The following ABCA12 variants were observed in gnomAD, a reference collection of about 807,000 sequenced individuals.
ABCA12 encodes the protein ATP binding cassette subfamily A member 12.
A neutral mutation model predicts 293.5 loss-of-function variants in ABCA12; 156 were observed. The observed-to-expected ratio is 0.53, with a 90% confidence interval of 0.47 to 0.61. The LOEUF (loss-of-function observed/expected upper bound fraction) is 0.61, where lower values mean the gene tolerates loss of function less well. ABCA12 is among the 20% of genes least tolerant of loss of function. The pLI, the probability that ABCA12 is intolerant of heterozygous loss-of-function variation, is 0.00. For synonymous variants in ABCA12, 1,063 were observed against 1,108.0 expected (o/e 0.96, Z 0.81); for missense variants, 2,797 against 3,090.2 (o/e 0.91, Z 2.25).
At position 214,986,734 on chromosome 2, in the gene ABCA12, G is replaced by A; in HGVS notation, c.3977-6C>T. On this transcript the variant is annotated splice_region_variant and splice_polypyrimidine_tract_variant and intron_variant, in intron 27 of 52. Transcript: ENST00000272895. ...GGAAAACATGTATTCAGGACCTGGA[G>A]AGAAATCAAGGGAAGAGTTGTAAAC... The A allele has an allele frequency of 6.2e-7, 1 of 1,613,836 alleles. No homozygotes were observed.
intron 2 of ABCA12, among the ~76,000 whole-genome samples, chr2:215,069,832 C>A (rs1346661137): frequency 1.3e-5 from 2 of 152,076 alleles, no homozygotes; most frequent in African/African-American, 4.8e-5. Flanking sequence ...GAGACTCTAA[C>A]CTAGTAAAAT....
intron 2 of ABCA12, among the ~76,000 whole-genome samples, chr2:215,102,231 C>A (rs1349444677): frequency 6.6e-6 from 1 of 152,132 alleles, no homozygotes; most frequent in African/African-American, 2.4e-5. Context: ...TATCTATAGT[C>A]AGAAAAATCT....
intron 2 of ABCA12, among the ~76,000 whole-genome samples, chr2:215,080,498 G>C (rs1367434453): frequency 3.3e-5 from 5 of 149,312 alleles, no homozygotes; most frequent in African/African-American, 1.2e-4. Context: ...GCAAGACTTG[G>C]TCTCAAAAAA....
At chr2:215,099,738 T>A (rs2106115520) in intron 2 of ABCA12, among the ~76,000 whole-genome samples, 1 of 151,178 alleles carries the variant, frequency 6.6e-6, no homozygotes, top group South Asian at 2.1e-4. Context: ...TGGAGGATGA[T>A]AAATGTTTAT....
chr2:214,965,923 G>A (rs1472323706), intron 39 of ABCA12, among the ~76,000 whole-genome samples: 1 of 152,138 alleles, frequency 6.6e-6, no homozygotes, highest in East Asian at 1.9e-4. Flanking sequence ...TTGTTATAAA[G>A]ATACATGCAC....
At chr2:215,081,357 A>G (rs1442050896) in intron 2 of ABCA12, among the ~76,000 whole-genome samples, 1 of 152,016 alleles carries the variant, frequency 6.6e-6, no homozygotes, top group African/African-American at 2.4e-5. Context: ...GCACGCCTGT[A>G]GTCCCAGCTA....
intron 2 of ABCA12, chr2:215,080,820 G>A (rs1454218482): frequency 6.5e-6 from 1 of 152,858 alleles, no homozygotes; most frequent in Non-Finnish European, 1.5e-5. Context: ...TATTCCACTC[G>A]ATGCTCTATT....
chr2:215,121,228 A>T (rs1218000171), intron 1 of ABCA12, among the ~76,000 whole-genome samples: 1 of 152,190 alleles, frequency 6.6e-6, no homozygotes, highest in Non-Finnish European at 1.5e-5. Flanking sequence ...AGAGTTAATC[A>T]CTAAATTATA....
chr2:215,025,417 T>C, intron 11 of ABCA12: 1 of 425,980 alleles, frequency 2.3e-6, no homozygotes. Context: ...CACCTCGGCC[T>C]CCTGAGTAGC....
chr2:215,133,542 G>C (rs73076541), intron 1 of ABCA12, among the ~76,000 whole-genome samples: 1 of 151,836 alleles, frequency 6.6e-6, no homozygotes, highest in Non-Finnish European at 1.5e-5. Context: ...TCATTAACTA[G>C]CATCTCATTA....
intron 47 of ABCA12, 40 bp from the exon 48 acceptor site, chr2:214,947,596 G>A: frequency 6.2e-7 from 1 of 1,611,278 alleles, no homozygotes; most frequent in Non-Finnish European, 8.5e-7. Flanking sequence ...ACCTTCCTGT[G>A]CCAAAACCCT....
At chr2:214,992,326 C>T (rs1468794024) in intron 23 of ABCA12, among the ~76,000 whole-genome samples, 3 of 151,326 alleles carry the variant, frequency 2.0e-5, no homozygotes, top group Non-Finnish European at 4.4e-5. Flanking sequence ...CCCCGTAGCC[C>T]CAGCTACTCA....
intron 23 of ABCA12, among the ~76,000 whole-genome samples, chr2:214,992,461 T>A (rs909612877): frequency 0.041 from 143 of 3,492 alleles, no homozygotes; most frequent in Non-Finnish European, 0.058. Flanking sequence ...AAAAAAAAAA[T>A]GAAAAAAAAA....
intron 2 of ABCA12, among the ~76,000 whole-genome samples, chr2:215,089,475 A>G (rs1702099172): frequency 6.6e-6 from 1 of 152,140 alleles, no homozygotes; most frequent in African/African-American, 2.4e-5. Context: ...CTCAGAAACC[A>G]TTTTCTCATC....
At chr2:215,069,127 G>A (rs1207326060) in intron 2 of ABCA12, among the ~76,000 whole-genome samples, 2 of 151,896 alleles carry the variant, frequency 1.3e-5, no homozygotes, top group African/African-American at 2.4e-5. Context: ...CAGGTGAAAG[G>A]CATTTAGTCT....
intron 44 of ABCA12, among the ~76,000 whole-genome samples, chr2:214,951,564 C>T (rs891249227): frequency 6.6e-6 from 1 of 152,166 alleles, no homozygotes; most frequent in Admixed American, 6.5e-5. Flanking sequence ...CAAGACCAGC[C>T]TGGCCAACCT....
chr2:215,116,443 T>C lies in ABCA12; in HGVS notation c.70-4753A>G, dbSNP rs568547628. Among the ~76,000 whole-genome samples, 12 of 152,210 alleles carry C rather than the reference T, an allele frequency of 7.9e-5. No homozygotes were observed. The South Asian group carries it at 2.5e-3, about 32-fold the overall frequency. Reference sequence around the variant, plus strand: ...AGCTTGCTTGCTTGATTGATATAGATAGGTAGGTAGATAGATTGATAGAAG... The same window carrying C: ...AGCTTGCTTGCTTGATTGATATAGACAGGTAGGTAGATAGATTGATAGAAG... On this transcript the variant is annotated intron_variant, in intron 1 of 52. Coordinates refer to ENST00000272895, the MANE Select transcript of ABCA12 (RefSeq NM_173076.3).
intron 1 of ABCA12, among the ~76,000 whole-genome samples, chr2:215,116,068 C>G (rs1408260911): frequency 1.3e-5 from 2 of 152,192 alleles, no homozygotes; most frequent in Non-Finnish European, 2.9e-5. Flanking sequence ...AAGAAGGAAA[C>G]TAGAATGATC....
chr2:214,956,689 AG>A lies in ABCA12; in HGVS notation c.6206del (p.Ala2069ValfsTer65). On this transcript the variant is annotated frameshift_variant, in exon 42 of 53. Coordinates refer to ENST00000272895, the MANE Select transcript of ABCA12 (RefSeq NM_173076.3). LOFTEE classifies it high-confidence loss of function. The stretch of plus-strand genomic sequence containing the variant: ...CAAACAGGAGAAGTAGGAGAGATAC[AG>A]CGCCTAGGTTGTTTTCACTGTAGAA... Reference protein sequence around the residue: ...PAFYSENNLGAVSLLLLLFGY... With the variant: ...PAFYSENNLGXVSLLLLLFGY... 1 of 1,613,556 alleles carries A rather than the reference AG, an allele frequency of 6.2e-7. No homozygotes were observed. The highest frequency in any genetic ancestry group is 8.5e-7 in the Non-Finnish European group (1 of 1,179,624).
Sources: allele counts gnomAD v4.1 joint callset (sites outside exome capture counted in the v4.1 genomes callset), GRCh38; gene constraint gnomAD v4.1.1; transcripts MANE v1.5; gene names NCBI Gene and HGNC (gene_info 2026-07-23, HGNC 2026-07-21).